The following L3MBTL4 variants were observed in gnomAD, a reference collection of about 807,000 sequenced individuals.
L3MBTL4 encodes L3MBTL histone methyl-lysine binding protein 4.
In L3MBTL4, 70 loss-of-function variants were observed where a neutral mutation model predicts 84.5. That is an observed-to-expected ratio of 0.83 (90% CI 0.68 to 1.01). The LOEUF is 1.01. Ranked by LOEUF, L3MBTL4 falls within the 50% of genes least tolerant of loss-of-function variation. The pLI is 0.00. For missense variants in L3MBTL4, 715 were observed against 754.8 expected (o/e 0.95, Z 0.62); for synonymous variants, 274 against 259.8 (o/e 1.05, Z -0.52).
chr18:6,101,179 G>A (rs537043464), intron 14 of L3MBTL4, among the ~76,000 whole-genome samples: 1 of 152,260 alleles, frequency 6.6e-6, no homozygotes, highest in African/African-American at 2.4e-5. Context: ...ATTTTTGCCT[G>A]TTCCATTGGC....
At chr18:6,082,790 A>G (rs2058123747) in intron 15 of L3MBTL4, among the ~76,000 whole-genome samples, 1 of 152,184 alleles carries the variant, frequency 6.6e-6, no homozygotes, top group South Asian at 2.1e-4. Flanking sequence ...TCAATTGATC[A>G]TGGGTATATT....
chr18:6,055,909 G>A (rs1442454686), intron 16 of L3MBTL4, among the ~76,000 whole-genome samples: 2 of 152,056 alleles, frequency 1.3e-5, no homozygotes, highest in Non-Finnish European at 2.9e-5. Context: ...GGGACTTTGT[G>A]TTTATTTTTA....
chr18:6,336,125 C>T (rs1001444020), intron 1 of L3MBTL4, among the ~76,000 whole-genome samples: 3 of 152,038 alleles, frequency 2.0e-5, no homozygotes, highest in African/African-American at 7.3e-5. Flanking sequence ...GGATGTAATA[C>T]TTTAAGGCAG....
intron 12 of L3MBTL4, among the ~76,000 whole-genome samples, chr18:6,194,447 A>AT (rs147785415): frequency 0.015 from 2,248 of 152,268 alleles, 55 homozygotes; most frequent in African/African-American, 0.051. Flanking sequence ...TTTTTAAAAT[A>AT]TTTTTTCAGT....
intron 12 of L3MBTL4, among the ~76,000 whole-genome samples, chr18:6,173,451 A>G (rs1362915609): frequency 2.0e-5 from 3 of 152,128 alleles, no homozygotes; most frequent in Non-Finnish European, 4.4e-5. Context: ...GGAAGTTAAA[A>G]GACAAAGTAT....
At chr18:6,281,319 G>T (rs900338180) in intron 4 of L3MBTL4, among the ~76,000 whole-genome samples, 2 of 152,182 alleles carry the variant, frequency 1.3e-5, no homozygotes, top group Admixed American at 1.3e-4. Context: ...TCTTTGAGCT[G>T]ATGTTCAGGG....
chr18:6,271,563 G>GT (rs2048871870), intron 4 of L3MBTL4, among the ~76,000 whole-genome samples: 1 of 152,174 alleles, frequency 6.6e-6, no homozygotes, highest in Non-Finnish European at 1.5e-5. Context: ...TTTCCGAGAC[G>GT]TTAAACTTTT....
At chr18:6,066,843 G>C (rs573327136) in intron 16 of L3MBTL4, among the ~76,000 whole-genome samples, 2 of 150,852 alleles carry the variant, frequency 1.3e-5, no homozygotes, top group East Asian at 3.9e-4. Flanking sequence ...GAACACTTAG[G>C]CCGTTTACGT....
chr18:6,038,590 A>T (rs1344719638), intron 16 of L3MBTL4, among the ~76,000 whole-genome samples: 1 of 152,054 alleles, frequency 6.6e-6, no homozygotes, highest in Non-Finnish European at 1.5e-5. Flanking sequence ...TGACTTGGTG[A>T]TCCTAGTAAA....
intron 18 of L3MBTL4, among the ~76,000 whole-genome samples, chr18:5,957,874 T>A (rs1347592554): frequency 6.6e-6 from 1 of 150,506 alleles, no homozygotes; most frequent in African/African-American, 2.4e-5. Flanking sequence ...GCAGGAGAAT[T>A]GCTTGAACTT....
chr18:6,027,855 T>C (rs1457992407), intron 16 of L3MBTL4, among the ~76,000 whole-genome samples: 1 of 152,220 alleles, frequency 6.6e-6, no homozygotes, highest in Non-Finnish European at 1.5e-5. Context: ...TGTCTGTTCA[T>C]ATCCTTTGCC....
chr18:6,035,448 C>T (rs1326298967), intron 16 of L3MBTL4, among the ~76,000 whole-genome samples: 1 of 150,498 alleles, frequency 6.6e-6, no homozygotes, highest in Admixed American at 6.6e-5. Context: ...TGTCAAAGAT[C>T]AGATAGTTGT....
At chr18:6,245,420 G>A (rs1372433045) in intron 5 of L3MBTL4, among the ~76,000 whole-genome samples, 1 of 151,794 alleles carries the variant, frequency 6.6e-6, no homozygotes, top group Non-Finnish European at 1.5e-5. Context: ...TTATTATATG[G>A]ATTACCTACT....
chr18:5,983,120 T>TA (rs1489647347), intron 16 of L3MBTL4, among the ~76,000 whole-genome samples: 1 of 152,242 alleles, frequency 6.6e-6, no homozygotes, highest in East Asian at 1.9e-4. Context: ...CACAGTCTTG[T>TA]AAATTAAGGC....
chr18:6,031,525 T>G, intron 16 of L3MBTL4: 1 of 983,754 alleles, frequency 1.0e-6, no homozygotes, highest in Non-Finnish European at 1.2e-6. Context: ...CATCTGTTTG[T>G]CAGGAATTTA....
intron 14 of L3MBTL4, among the ~76,000 whole-genome samples, chr18:6,116,266 G>A (rs1176306546): frequency 6.6e-6 from 1 of 152,094 alleles, no homozygotes. Context: ...CATGTGACAG[G>A]GCTCCAAGAA....
intron 1 of L3MBTL4, among the ~76,000 whole-genome samples, chr18:6,405,185 G>A (rs1293733846): frequency 6.6e-6 from 1 of 152,200 alleles, no homozygotes; most frequent in African/African-American, 2.4e-5. Context: ...TTTTCAAAAA[G>A]TGAAACAGAT....
intron 5 of L3MBTL4, 79 bp downstream of exon 5, chr18:6,263,868 T>C (rs886733493): frequency 4.2e-6 from 4 of 944,070 alleles, no homozygotes; most frequent in Admixed American, 1.7e-5. Flanking sequence ...TGATGGGCTA[T>C]CTAGGAAAGT....
intron 16 of L3MBTL4, among the ~76,000 whole-genome samples, chr18:6,068,641 G>T (rs147987662): frequency 8.4e-4 from 128 of 152,086 alleles, no homozygotes; most frequent in African/African-American, 3.0e-3. Flanking sequence ...TTCCTGGAAG[G>T]CCATCTATAT....
Sources: allele counts gnomAD v4.1 joint callset (sites outside exome capture counted in the v4.1 genomes callset), GRCh38; gene constraint gnomAD v4.1.1; transcripts MANE v1.5; gene names NCBI Gene and HGNC (gene_info 2026-07-23, HGNC 2026-07-21).